The following PCSK5 variants were observed in gnomAD, a reference collection of about 807,000 sequenced individuals.
PCSK5 encodes prohormone convertase 5.
A neutral mutation model predicts 233.2 loss-of-function variants in PCSK5; 129 were observed. The ratio of observed to expected loss-of-function variants is 0.55; its 90% CI spans 0.48 to 0.64. The LOEUF is 0.64. Ranked by LOEUF, PCSK5 falls within the 30% of genes least tolerant of loss-of-function variation. The pLI is 0.00. For synonymous variants in PCSK5, 825 were observed against 879.2 expected, an observed-to-expected ratio of 0.94 and a Z score of 1.09; for missense variants, 2,076 against 2,430.1, an observed-to-expected ratio of 0.85 and a Z score of 3.06.
At chr9:75,908,637 A>G (rs766713899) in intron 1 of PCSK5, among the ~76,000 whole-genome samples, 3 of 151,920 alleles carry the variant, frequency 2.0e-5, no homozygotes, top group Non-Finnish European at 2.9e-5. Context: ...GCCTCTACTC[A>G]TGTCATTCTC....
intron 2 of PCSK5, among the ~76,000 whole-genome samples, chr9:75,964,537 G>A (rs7860357): frequency 0.021 from 3,176 of 152,222 alleles, 73 homozygotes; most frequent in African/African-American, 0.041. Context: ...TGAGTTATGG[G>A]GCAGCTAGCA....
intron 36 of PCSK5, 151 bp from the exon 37 acceptor site, chr9:76,353,882 C>A: frequency 1.6e-6 from 1 of 626,520 alleles, no homozygotes; most frequent in Non-Finnish European, 2.9e-6. Context: ...TTTCACCCAA[C>A]ACAGTTAAAA....
rs1327813148 is a variant in PCSK5 at position 76,039,100 on chromosome 9, T to A, written c.632+12063T>A. Among the ~76,000 whole-genome samples the A allele has an allele frequency of 1.1e-4, 17 of 152,210 alleles. 1 individual carries two copies. Among genetic ancestry groups the A allele is most frequent in the Admixed American group, 1.1e-3 (17 of 15,282 alleles). On this transcript the variant is annotated intron_variant, in intron 5 of 37. Coordinates refer to ENST00000674117, the MANE Select transcript of PCSK5 (RefSeq NM_001372043.1). ...AGGTATTTCGGTAAGCAATTGCAAA[T>A]TATATTTCTGTTCTTGTATATTTCA... is the stretch of plus-strand genomic sequence containing the variant.
At chr9:76,287,778 A>G (rs910324788) in intron 24 of PCSK5, 13 of 194,096 alleles carry the variant, frequency 6.7e-5, no homozygotes, top group Non-Finnish European at 3.3e-5. Flanking sequence ...TCTTTTAAAG[A>G]CAACGCAGCA....
intron 7 of PCSK5, among the ~76,000 whole-genome samples, chr9:76,084,483 T>A (rs979730875): frequency 2.0e-5 from 3 of 152,240 alleles, no homozygotes; most frequent in African/African-American, 7.2e-5. Context: ...TAGACTATTC[T>A]ACTCCTAGAT....
intron 7 of PCSK5, among the ~76,000 whole-genome samples, chr9:76,093,438 A>C (rs570396501): frequency 6.6e-5 from 10 of 152,176 alleles, no homozygotes; most frequent in African/African-American, 2.4e-4. Flanking sequence ...ACCATTTTGT[A>C]TCCTATGTTT....
chr9:76,065,572 T>C (rs983950390), intron 5 of PCSK5, among the ~76,000 whole-genome samples: 2 of 148,650 alleles, frequency 1.3e-5, no homozygotes, highest in Non-Finnish European at 3.0e-5. Context: ...TCAGACAGAG[T>C]TTGCCGGTAT....
chr9:76,192,645 G>A (rs1024261348), intron 20 of PCSK5, among the ~76,000 whole-genome samples: 9 of 151,858 alleles, frequency 5.9e-5, no homozygotes, highest in Non-Finnish European at 1.0e-4. Context: ...TTTAATTGCC[G>A]TTCTAAAGAG....
chr9:76,316,629 T>C (rs539959271), intron 30 of PCSK5, among the ~76,000 whole-genome samples: 1 of 149,280 alleles, frequency 6.7e-6, no homozygotes, highest in Non-Finnish European at 1.5e-5. Flanking sequence ...TCCTAGCTAC[T>C]CAGGAGGCCA....
rs144206277 is a variant in PCSK5 at position 76,325,800 on chromosome 9, G to T, written c.4340-2209G>T. Among the ~76,000 whole-genome samples the T allele has an allele frequency of 4.9e-3, 742 of 152,226 alleles. 8 individuals carry two copies. Among genetic ancestry groups the T allele is most frequent in the African/African-American group, 0.017 (708 of 41,546 alleles). On this transcript the variant is annotated intron_variant, in intron 32 of 37. Coordinates refer to ENST00000674117, the MANE Select transcript of PCSK5 (RefSeq NM_001372043.1). ...TTACAGGCATGTGCCACCACACCCA[G>T]CTAATTTTGTATTTTTAGTAGAGAC...
chr9:76,040,717 G>A (rs567645127), intron 5 of PCSK5, among the ~76,000 whole-genome samples: 8 of 152,024 alleles, frequency 5.3e-5, no homozygotes, highest in African/African-American at 1.7e-4. Flanking sequence ...GACCCTAGAT[G>A]CTTTTTCTGA....
Position 76,336,841 on chromosome 9 carries a change from G to T in PCSK5, c.4749-1389G>T, listed in dbSNP as rs148691044. On this transcript the variant is annotated intron_variant, in intron 34 of 37. Transcript: ENST00000674117. ...AGAGATGTTGAGTGACTGGCCCAAG[G>T]TCATACAGCTTGTAAGTGGTATGAC... is the stretch of plus-strand genomic sequence containing the variant. 2.3e-4 allele frequency among the ~76,000 whole-genome samples: 35 copies of T among 152,138 alleles called. No homozygotes were observed. The East Asian group carries it at 5.4e-3, about 24-fold the overall frequency.
At chr9:75,944,330 T>G (rs1198764225) in intron 2 of PCSK5, among the ~76,000 whole-genome samples, 1 of 152,112 alleles carries the variant, frequency 6.6e-6, no homozygotes, top group Non-Finnish European at 1.5e-5. Flanking sequence ...TATTGTTTTA[T>G]GCAGGATAGA....
chr9:75,976,028 T>C (rs1357099730), intron 2 of PCSK5, among the ~76,000 whole-genome samples: 1 of 152,192 alleles, frequency 6.6e-6, no homozygotes, highest in South Asian at 2.1e-4. Flanking sequence ...GTAGAATTTG[T>C]TTTAGGTACT....
intron 2 of PCSK5, among the ~76,000 whole-genome samples, chr9:75,974,521 C>T (rs952805903): frequency 6.6e-6 from 1 of 152,190 alleles, no homozygotes; most frequent in Non-Finnish European, 1.5e-5. Context: ...GCTTTTCCCC[C>T]ACCCTGACCA....
At chr9:76,349,817 T>G (rs1430296070) in intron 35 of PCSK5, among the ~76,000 whole-genome samples, 1 of 152,178 alleles carries the variant, frequency 6.6e-6, no homozygotes, top group Non-Finnish European at 1.5e-5. Context: ...CCCCAAACTT[T>G]CCAGAAGTTA....
intron 1 of PCSK5, among the ~76,000 whole-genome samples, chr9:75,918,735 G>A (rs984252065): frequency 6.6e-6 from 1 of 152,142 alleles, no homozygotes; most frequent in African/African-American, 2.4e-5. Context: ...TTTCATAAAA[G>A]GAAAGCTTTA....
At chr9:76,183,976 C>T (rs1023771419) in intron 16 of PCSK5, among the ~76,000 whole-genome samples, 3 of 152,082 alleles carry the variant, frequency 2.0e-5, no homozygotes, top group African/African-American at 7.2e-5. Context: ...TCAATATGGA[C>T]CTGGTAGTAA....
In PCSK5 at chr9:76,189,078, T is replaced by G; in HGVS notation, c.2381-16T>G. On this transcript the variant is annotated splice_polypyrimidine_tract_variant and intron_variant, in intron 18 of 37. Coordinates refer to ENST00000674117, the MANE Select transcript of PCSK5 (RefSeq NM_001372043.1). ...AGGTTTTATTTCTCGTTTCCTGTGT[T>G]TGTCTTGCTTTTAAGGGGCAGGAGC... is the stretch of plus-strand genomic sequence containing the variant. 6.2e-7 allele frequency: 1 copy of G among 1,610,942 alleles called. No individual in the cohort carries two copies. Among genetic ancestry groups the G allele is most frequent in the Non-Finnish European group, 8.5e-7 (1 of 1,179,052 alleles).
Sources: gnomAD v4.1 joint callset for allele counts (sites outside exome capture counted in the v4.1 genomes callset) on GRCh38, gnomAD v4.1.1 for gene constraint, MANE v1.5 for transcripts, NCBI Gene and HGNC (gene_info 2026-07-23, HGNC 2026-07-21) for gene names.